The following PLOD1 variants were observed in gnomAD, a reference collection of about 807,000 sequenced individuals.
PLOD1 encodes procollagen-lysine,2-oxoglutarate 5-dioxygenase 1, also known as lysine hydroxylase.
In PLOD1, 70 loss-of-function variants were observed where a neutral mutation model predicts 94.7. The ratio of observed to expected loss-of-function variants is 0.74; its 90% CI spans 0.61 to 0.90. The LOEUF (loss-of-function observed/expected upper bound fraction) is 0.90. Among genes scored for constraint, PLOD1 ranks in the 40% least tolerant of loss-of-function variants. The probability of loss-of-function intolerance (pLI) is 0.00; values close to 1 mark genes in which losing one functional copy is unlikely to be tolerated. For missense variants in PLOD1, 905 were observed against 972.7 expected (o/e 0.93, Z 0.93); for synonymous variants, 417 against 400.2 (o/e 1.04, Z -0.50).
At position 11,957,170 on chromosome 1, in the gene PLOD1, A is replaced by G. The variant is rs1645744861; in HGVS notation, c.741+156A>G. On this transcript the variant is annotated intron_variant, in intron 7 of 18. Transcript: ENST00000196061. The surrounding 1 kb of genome is among the most constrained non-coding windows in gnomAD (Gnocchi z 4.1). ...TGTCCTCACATCTGAGCTCAGCGTG[A>G]TGCCTTCTTTTCCTGCTGTGGTGGT... 3.9e-6 allele frequency: 3 copies of G among 767,476 alleles called. No homozygotes were observed. Among genetic ancestry groups the G allele is most frequent in the Non-Finnish European group, 7.3e-6 (3 of 410,754 alleles). 47.5% of individuals were successfully genotyped at this position (767,476 alleles called of 1,614,324 possible).
At chr1:11,953,723 C>T (rs566480132) in intron 5 of PLOD1, among the ~76,000 whole-genome samples, 22 of 151,132 alleles carry the variant, frequency 1.5e-4, no homozygotes, top group Non-Finnish European at 2.9e-4. Flanking sequence ...ACCTGGGAGG[C>T]GGAGGTTGCA....
At chr1:11,959,138 G>T (rs180789480) in intron 9 of PLOD1, among the ~76,000 whole-genome samples, 4 of 152,202 alleles carry the variant, frequency 2.6e-5, no homozygotes, top group African/African-American at 9.6e-5. Flanking sequence ...CTGGGAGGCA[G>T]AGGTTGCAGT....
Position 11,970,809 on chromosome 1 carries a change from A to G in PLOD1, c.1895A>G (p.Tyr632Cys), listed in dbSNP as rs757445322. The change falls in exon 17 of 19, where the codon TAC (tyrosine) becomes TGC (cysteine). Residue 632 changes from tyrosine to cysteine, a missense_variant. Coordinates refer to ENST00000196061, the MANE Select transcript of PLOD1 (RefSeq NM_000302.4). ...PMTEKLYPGYYTRAQFDLAFV... is the reference protein window; with the variant it reads ...PMTEKLYPGYCTRAQFDLAFV... ...ACGGAGAAGCTCTACCCCGGCTACT[A>G]CACCAGGGTGGGCAAGCCTGGGGCA... is the stretch of plus-strand genomic sequence containing the variant. 6.2e-7 allele frequency: 1 copy of G among 1,605,228 alleles called. No individual in the cohort carries two copies. The highest frequency in any genetic ancestry group is 1.1e-5 in the South Asian group (1 of 90,580).
intron 1 of PLOD1, among the ~76,000 whole-genome samples, chr1:11,938,522 GCTCATCTTCCC>G (rs1645595051): frequency 6.6e-6 from 1 of 152,188 alleles, no homozygotes; most frequent in Non-Finnish European, 1.5e-5. Context: ...AGAGTGGGTT[GCTCATCTTCCC>G]TGCAGGTCTT....
chr1:11,967,324 C>T (rs1202772454), intron 16 of PLOD1, among the ~76,000 whole-genome samples: 8 of 151,978 alleles, frequency 5.3e-5, no homozygotes, highest in Non-Finnish European at 8.8e-5. Context: ...TTGCCTTGAC[C>T]GTAAGCTACT....
intron 13 of PLOD1, 30 bp from the exon 14 acceptor site, chr1:11,965,450 C>G: frequency 7.7e-7 from 1 of 1,305,050 alleles, no homozygotes; most frequent in Non-Finnish European, 1.1e-6. Flanking sequence ...GGTGGGGGAG[C>G]GCCTCTTCCA....
intron 12 of PLOD1, 45 bp downstream of exon 12, chr1:11,964,345 G>T: frequency 6.3e-7 from 1 of 1,581,084 alleles, no homozygotes; most frequent in South Asian, 1.1e-5. Context: ...ACCTTCATCT[G>T]GCTTCTGCCT....
chr1:11,950,588 C>T (rs1645693534), intron 4 of PLOD1, 68 bp downstream of exon 4: 4 of 1,477,934 alleles, frequency 2.7e-6, no homozygotes, highest in Non-Finnish European at 3.8e-6. Flanking sequence ...GTGGGGACCC[C>T]CCTTGTTTGA....
At chr1:11,955,251 A>G (rs1645730340) in intron 6 of PLOD1, among the ~76,000 whole-genome samples, 1 of 152,228 alleles carries the variant, frequency 6.6e-6, no homozygotes, top group Non-Finnish European at 1.5e-5. Context: ...GCAGGAACTC[A>G]GCTGGTGGGA....
intron 5 of PLOD1, chr1:11,954,561 G>A (rs753012375): frequency 9.7e-6 from 7 of 719,718 alleles, no homozygotes; most frequent in South Asian, 2.7e-5. Flanking sequence ...CTTAACGGCC[G>A]TCATTGTTGT....
chr1:11,950,385 C>G lies in PLOD1; in HGVS notation c.331C>G (p.Arg111Gly), dbSNP rs772221158. 1.9e-6 allele frequency: 3 copies of G among 1,614,146 alleles called. No individual in the cohort carries two copies. Among genetic ancestry groups the G allele is most frequent in the Non-Finnish European group, 2.5e-6 (3 of 1,180,024 alleles). ...SYDVLFASGP[R>G]ELLKKFRQAR... is the part of the protein sequence containing the mutation. ...TGACGTGCTGTTTGCATCGGGGCCC[C>G]GGGAGCTCCTGAAGAAGTTCCGGCA... is the stretch of plus-strand genomic sequence containing the variant. Residue 111 changes from arginine to glycine, a missense_variant, in exon 4 of 19, where the codon CGG becomes GGG. Arg to Gly is a moderately radical substitution (Grantham distance 125). Coordinates refer to ENST00000196061, the MANE Select transcript of PLOD1 (RefSeq NM_000302.4).
At position 11,970,747 on chromosome 1, in the gene PLOD1, G is replaced by A. The variant is rs749187050; in HGVS notation, c.1833G>A (p.Glu611=). The A allele has an allele frequency of 1.2e-6, 2 of 1,612,354 alleles. No individual in the cohort carries two copies. The highest frequency in any genetic ancestry group is 1.7e-6 in the Non-Finnish European group (2 of 1,179,802). ...IHMNQIGFER[E]WHKFLLEYIA... is the part of the protein sequence containing the mutation. ...TGAACCAGATCGGCTTTGAGCGGGA[G>A]TGGCACAAATTCCTGCTGGAGTACA... Residue 611 remains glutamate, a synonymous_variant, in exon 17 of 19, where the codon GAG becomes GAA. Transcript: ENST00000196061.
rs138179223 is a variant in PLOD1 at position 11,935,856 on chromosome 1, C to T, written c.76+1001C>T. Among the ~76,000 whole-genome samples the T allele has an allele frequency of 4.3e-3, 652 of 152,194 alleles. 2 individuals are homozygous for T. The highest frequency in any genetic ancestry group is 0.015 in the African/African-American group (622 of 41,524). On this transcript the variant is annotated intron_variant, in intron 1 of 18. Coordinates refer to ENST00000196061, the MANE Select transcript of PLOD1 (RefSeq NM_000302.4). ...GCCAGGCTGGTCTTGAACTTCTGAC[C>T]TCTTGATCCGCTGGCCTCAGCCTCC...
At chr1:11,942,778 G>A (rs1176836408) in intron 1 of PLOD1, among the ~76,000 whole-genome samples, 3 of 152,080 alleles carry the variant, frequency 2.0e-5, no homozygotes, top group Non-Finnish European at 2.9e-5. Flanking sequence ...ACCTGGGAAA[G>A]GTAGGAAAAA....
chr1:11,938,519 GT>G (rs1645594994), intron 1 of PLOD1, among the ~76,000 whole-genome samples: 1 of 152,192 alleles, frequency 6.6e-6, no homozygotes, highest in Non-Finnish European at 1.5e-5. Flanking sequence ...GACAGAGTGG[GT>G]TGCTCATCTT....
Position 11,965,544 on chromosome 1 carries a change from G to A in PLOD1, c.1535G>A (p.Arg512His), listed in dbSNP as rs773170096. ...CATCTGCTCTCCCTAGACAGCTACC[G>A]CACCACCCACCTGCACAACGACCTC... ...LGHLLSLDSY[R>H]TTHLHNDLWE... Residue 512 changes from arginine to histidine, a missense_variant, in exon 14 of 19, where the codon CGC (arginine) becomes CAC (histidine). Physicochemically the swap from Arg to His is conservative, Grantham distance 29. Transcript: ENST00000196061. The A allele has an allele frequency of 8.1e-6, 13 of 1,613,682 alleles. No homozygotes were observed. Among genetic ancestry groups the A allele is most frequent in the South Asian group, 3.3e-5 (3 of 91,082 alleles).
chr1:11,956,046 G>C (rs1398367355), intron 6 of PLOD1, among the ~76,000 whole-genome samples: 1 of 152,024 alleles, frequency 6.6e-6, no homozygotes, highest in Admixed American at 6.5e-5. Context: ...ACAGGTGTGC[G>C]CCAGCGTGCC....
chr1:11,953,351 C>T (rs144396274), intron 5 of PLOD1, among the ~76,000 whole-genome samples: 46 of 151,894 alleles, frequency 3.0e-4, no homozygotes, highest in Non-Finnish European at 5.9e-4. Flanking sequence ...CCACCGTGCC[C>T]GGCTGTCGGG....
At chr1:11,965,450 C>CCT (rs763066177) in intron 13 of PLOD1, 30 bp from the exon 14 acceptor site, 1 of 1,305,050 alleles carries the variant, frequency 7.7e-7, no homozygotes, top group East Asian at 2.3e-5. Flanking sequence ...GGTGGGGGAG[C>CCT]GCCTCTTCCA....
Sources: allele counts gnomAD v4.1 joint callset (sites outside exome capture counted in the v4.1 genomes callset), GRCh38; gene constraint gnomAD v4.1.1; non-coding constraint Gnocchi (gnomAD v3.1); transcripts MANE v1.5; gene names NCBI Gene and HGNC (gene_info 2026-07-23, HGNC 2026-07-21).